HMGCLL1: variants seen among roughly 807,000 people sequenced by gnomAD.
The protein encoded by HMGCLL1 is 3-hydroxymethyl-3-methylglutaryl-CoA lyase, cytoplasmic.
A neutral mutation model predicts 39.1 loss-of-function variants in HMGCLL1; 36 were observed. The ratio of observed to expected loss-of-function variants is 0.92; its 90% CI spans 0.71 to 1.22. HMGCLL1 has a LOEUF of 1.22. Among genes scored for constraint, HMGCLL1 ranks in the 50% most tolerant of loss-of-function variants. The probability of loss-of-function intolerance (pLI) is 0.00; values close to 1 mark genes in which losing one functional copy is unlikely to be tolerated. For missense variants in HMGCLL1, 451 were observed against 416.5 expected (o/e 1.08, Z -0.72); for synonymous variants, 149 against 144.0 (o/e 1.03, Z -0.25).
chr6:55,453,493 G>T (rs922842315), intron 7 of HMGCLL1, among the ~76,000 whole-genome samples: 3 of 152,138 alleles, frequency 2.0e-5, no homozygotes, highest in African/African-American at 7.2e-5. Context: ...TTATTGTAGG[G>T]GCTTTTGGGA....
At chr6:55,676,896 C>T in the HMGCLL1 span, among the ~76,000 whole-genome samples, 33 of 152,214 alleles carry the variant, frequency 2.2e-4, no homozygotes, top group Admixed American at 2.0e-3. Flanking sequence ...GGGAAAAATA[C>T]TTTACTTGCT....
the HMGCLL1 span, among the ~76,000 whole-genome samples, chr6:55,608,742 A>G: frequency 6.6e-6 from 1 of 152,260 alleles, no homozygotes; most frequent in African/African-American, 2.4e-5. Flanking sequence ...AACAATTCTT[A>G]AAGTTGCATT....
chr6:55,514,732 G>T (rs6928264), intron 4 of HMGCLL1, among the ~76,000 whole-genome samples: 101,466 of 151,872 alleles, frequency 0.67, 33,924 homozygotes, highest in Admixed American at 0.72. Context: ...AGCCATACTC[G>T]TGTGTACCTA....
chr6:55,556,691 A>G (rs1770692255), intron 1 of HMGCLL1, among the ~76,000 whole-genome samples: 1 of 152,142 alleles, frequency 6.6e-6, no homozygotes, highest in Non-Finnish European at 1.5e-5. Context: ...GAAAAATGCC[A>G]GGGCAAAAAC....
chr6:55,549,357 C>T (rs68117773), intron 1 of HMGCLL1, among the ~76,000 whole-genome samples: 12,893 of 147,134 alleles, frequency 0.088, 825 homozygotes, highest in Non-Finnish European at 0.13. Context: ...TTGTTTTTGC[C>T]CCCTGCAAAT....
the HMGCLL1 span, among the ~76,000 whole-genome samples, chr6:55,603,598 G>A: frequency 1.7e-3 from 252 of 152,176 alleles, 1 homozygote; most frequent in African/African-American, 5.4e-3. Context: ...ACAGAAAAAT[G>A]TCCATGCCTA....
chr6:55,606,317 A>T, the HMGCLL1 span, among the ~76,000 whole-genome samples: 7 of 152,184 alleles, frequency 4.6e-5, no homozygotes, highest in Non-Finnish European at 8.8e-5. Context: ...TATTGGGACA[A>T]ATATCCCATT....
the HMGCLL1 span, among the ~76,000 whole-genome samples, chr6:55,628,496 G>T: frequency 6.6e-6 from 1 of 151,450 alleles, no homozygotes; most frequent in East Asian, 2.0e-4. Flanking sequence ...TAGAGATGGG[G>T]TTTTGCCATG....
chr6:55,482,813 C>G (rs1340357698), intron 7 of HMGCLL1, among the ~76,000 whole-genome samples: 2 of 151,942 alleles, frequency 1.3e-5, no homozygotes. Flanking sequence ...AAAATATTTT[C>G]CATATCCCGC....
At chr6:55,511,838 T>G (rs144431445) in intron 5 of HMGCLL1, among the ~76,000 whole-genome samples, 2,204 of 152,256 alleles carry the variant, frequency 0.014, 32 homozygotes, top group Non-Finnish European at 0.025. Context: ...GAAAGGCATA[T>G]TTCTGAAAAT....
At chr6:55,525,485 A>G (rs1452764455) in intron 3 of HMGCLL1, among the ~76,000 whole-genome samples, 1 of 151,956 alleles carries the variant, frequency 6.6e-6, no homozygotes, top group Non-Finnish European at 1.5e-5. Flanking sequence ...ATTACATCTA[A>G]CTGAAATAAT....
chr6:55,666,435 A>C, the HMGCLL1 span, among the ~76,000 whole-genome samples: 2 of 151,838 alleles, frequency 1.3e-5, no homozygotes, highest in Admixed American at 1.3e-4. Flanking sequence ...CAAAGTCCTT[A>C]AGCAAAAGCA....
At chr6:55,562,999 T>C (rs1248647710) in intron 1 of HMGCLL1, among the ~76,000 whole-genome samples, 1 of 152,068 alleles carries the variant, frequency 6.6e-6, no homozygotes, top group East Asian at 1.9e-4. Flanking sequence ...AATATATATA[T>C]TCATATACAT....
chr6:55,604,954 A>T, the HMGCLL1 span, among the ~76,000 whole-genome samples: 2 of 152,244 alleles, frequency 1.3e-5, no homozygotes, highest in Non-Finnish European at 2.9e-5. Context: ...TGAAGATGAT[A>T]TAAGTGTAGT....
chr6:55,555,502 G>A (rs147442500), intron 1 of HMGCLL1, among the ~76,000 whole-genome samples: 1 of 152,270 alleles, frequency 6.6e-6, no homozygotes, highest in African/African-American at 2.4e-5. Context: ...CCCTTTGAGG[G>A]CGCTTCATTT....
Position 55,439,522 on chromosome 6 carries a change from A to G in HMGCLL1, c.833T>C (p.Leu278Ser). ...INVVDSAVSG[L>S]GGCPYAKGAS... ...ACCTTTTGCATAAGGGCAGCCACCT[A>G]ATCCGGATACTGCGGAGTCCACCAC... The change falls in exon 8 of 9, where the codon TTA becomes TCA. Residue 278 changes from leucine (L) to serine (S), a missense_variant. Transcript: ENST00000274901. The G allele has an allele frequency of 6.2e-7, 1 of 1,612,960 alleles. No homozygotes were observed. Among genetic ancestry groups the G allele is most frequent in the Non-Finnish European group, 8.5e-7 (1 of 1,179,162 alleles).
At chr6:55,506,591 C>T (rs1767177796) in intron 5 of HMGCLL1, among the ~76,000 whole-genome samples, 1 of 151,660 alleles carries the variant, frequency 6.6e-6, no homozygotes, top group African/African-American at 2.4e-5. Context: ...TCATACCATG[C>T]TGTTTGAGAT....
chr6:55,502,299 TTCTA>T (rs746901395), intron 5 of HMGCLL1, among the ~76,000 whole-genome samples: 1 of 151,758 alleles, frequency 6.6e-6, no homozygotes, highest in Non-Finnish European at 1.5e-5. Flanking sequence ...TTCTCTACTG[TTCTA>T]TCTGTTTCTA....
At chr6:55,439,053 T>C (rs1241828860) in intron 8 of HMGCLL1, among the ~76,000 whole-genome samples, 2 of 151,958 alleles carry the variant, frequency 1.3e-5, no homozygotes, top group Non-Finnish European at 2.9e-5. Context: ...ACTGAGACAA[T>C]CAAGATCTCC....
Sources: allele counts gnomAD v4.1 joint callset (sites outside exome capture counted in the v4.1 genomes callset), GRCh38; gene constraint gnomAD v4.1.1; transcripts MANE v1.5; gene names NCBI Gene and HGNC (gene_info 2026-07-23, HGNC 2026-07-21).